ZNF66: variants seen among roughly 807,000 people sequenced by gnomAD.
ZNF66 encodes the protein putative zinc finger protein 66.
Under a neutral mutation model 35.2 loss-of-function variants are expected in ZNF66, and 32 were observed. The ratio of observed to expected loss-of-function variants is 0.91; its 90% CI spans 0.69 to 1.22. The LOEUF (loss-of-function observed/expected upper bound fraction) is 1.22, where lower values mean the gene tolerates loss of function less well. ZNF66 is among the 50% of genes most tolerant of loss of function. The pLI, the probability that ZNF66 is intolerant of heterozygous loss-of-function variation, is 0.00. For missense variants in ZNF66, 666 were observed against 543.1 expected (o/e 1.23, Z -2.25); for synonymous variants, 231 against 181.3 (o/e 1.27, Z -2.20).
chr19:20,804,079 A>C (rs1971476683), intron 3 of ZNF66, among the ~76,000 whole-genome samples: 1 of 151,890 alleles, frequency 6.6e-6, no homozygotes, highest in South Asian at 2.1e-4. Context: ...TGGTGTGTAC[A>C]TTTTTAAAGA....
At chr19:20,797,581 TGG>T (rs1971407720) in intron 3 of ZNF66, among the ~76,000 whole-genome samples, 1 of 151,612 alleles carries the variant, frequency 6.6e-6, no homozygotes. Flanking sequence ...TTTTTTTTTT[TGG>T]GATGGAGTCT....
chr19:20,805,226 ACT>A (rs1359526595), intron 3 of ZNF66, among the ~76,000 whole-genome samples: 2 of 151,534 alleles, frequency 1.3e-5, no homozygotes, highest in South Asian at 2.1e-4. Flanking sequence ...ACAGAGTCTC[ACT>A]CTGTCACCCA....
chr19:20,805,307 C>T (rs765460579), intron 3 of ZNF66, among the ~76,000 whole-genome samples: 4 of 152,116 alleles, frequency 2.6e-5, no homozygotes, highest in Non-Finnish European at 4.4e-5. Flanking sequence ...CAATTCTCTG[C>T]CTCAGCCTCC....
chr19:20,806,168 A>G lies in ZNF66; in HGVS notation c.568A>G (p.Thr190Ala), dbSNP rs754008165. The change falls in exon 4 of 4, where the codon ACA (threonine) becomes GCA (alanine). Residue 190 changes from threonine to alanine, a missense_variant. Thr to Ala is a moderately conservative substitution (Grantham distance 58). Transcript: ENST00000344519. ...TTTTAACCGGTCCTCAACCTTTACT[A>G]CACATAAGAAAATTCATACTGGAGA... ...KAFNRSSTFT[T>A]HKKIHTGEKP... is the part of the protein sequence containing the mutation. 3 of 1,270,288 alleles carry G rather than the reference A, an allele frequency of 2.4e-6. No homozygotes were observed. The highest frequency in any genetic ancestry group is 2.9e-5 in the African/African-American group (2 of 68,114). 78.7% of individuals were successfully genotyped at this position (1,270,288 alleles called of 1,614,324 possible). A position where few individuals can be genotyped will look rare whatever the true frequency, so the allele number is the denominator to read the frequency against.
In ZNF66 at chr19:20,798,424, C is replaced by T. The variant is rs370101261; in HGVS notation, c.226+4546C>T. Among the ~76,000 whole-genome samples, 13 of 151,950 alleles carry T rather than the reference C, an allele frequency of 8.6e-5. No individual in the cohort carries two copies. In the East Asian group the frequency reaches 2.3e-3, roughly 27 times the overall value. On this transcript the variant is annotated intron_variant, in intron 3 of 3. Transcript: ENST00000344519. ...GACCAGCCTGGGCAGCATATGGAGACTCTCCTCTATAAAAAAAATTAATAA... is the reference window on the plus strand; with the variant it reads ...GACCAGCCTGGGCAGCATATGGAGATTCTCCTCTATAAAAAAAATTAATAA...
intron 1 of ZNF66, among the ~76,000 whole-genome samples, chr19:20,784,295 C>T (rs1393920869): frequency 6.6e-6 from 1 of 152,124 alleles, no homozygotes; most frequent in Admixed American, 6.6e-5. Flanking sequence ...GGTACATATA[C>T]TATGACGTTC....
chr19:20,785,753 TTTTG>T (rs967880131), intron 1 of ZNF66, among the ~76,000 whole-genome samples: 14 of 150,164 alleles, frequency 9.3e-5, no homozygotes, highest in Admixed American at 4.6e-4. Context: ...CTTTTTCTGT[TTTTG>T]TTTGTTTGTT....
At position 20,807,536 on chromosome 19, in the gene ZNF66, C is replaced by T. The variant is rs1234566748; in HGVS notation, c.*214C>T. On this transcript the variant is annotated 3_prime_UTR_variant, in exon 4 of 4. Coordinates refer to ENST00000344519, the MANE Select transcript of ZNF66 (RefSeq NM_001355197.2). Reference sequence around the variant, plus strand: ...TAATTCATACTGGATAGAAACCCTACACCTGTGAAGAATGTGGCATAGCCT... The same window carrying T: ...TAATTCATACTGGATAGAAACCCTATACCTGTGAAGAATGTGGCATAGCCT... Among the ~76,000 whole-genome samples the T allele has an allele frequency of 6.6e-6, 1 of 151,618 alleles. No homozygotes were observed. Among genetic ancestry groups the T allele is most frequent in the Non-Finnish European group, 1.5e-5 (1 of 67,950 alleles).
In ZNF66 at chr19:20,806,851, A is replaced by G; in HGVS notation, c.1251A>G (p.Arg417=). The change falls in exon 4 of 4, where the codon AGA becomes AGG. Residue 417 remains arginine (R), a synonymous_variant. Transcript: ENST00000344519. ...KHSSPLSKHK[R]IHTGEKPYKC... is the part of the protein sequence containing the mutation. ...CCTCTCCCCTTTCTAAACATAAGAGAATTCATACTGGAGAGAAACCCTACA... is the reference window on the plus strand; with the variant it reads ...CCTCTCCCCTTTCTAAACATAAGAGGATTCATACTGGAGAGAAACCCTACA... The G allele has an allele frequency of 7.4e-7, 1 of 1,357,666 alleles. No individual in the cohort carries two copies. The highest frequency in any genetic ancestry group is 1.2e-5 in the South Asian group (1 of 85,438). The allele number at this position is 1,357,666 out of a possible 1,614,324, so 84.1% of individuals were successfully genotyped here.
At chr19:20,794,258 A>T in intron 3 of ZNF66, 1 of 209,976 alleles carries the variant, frequency 4.8e-6, no homozygotes, top group South Asian at 7.5e-5. Context: ...TTCTTTTTGT[A>T]TCCGGTCTGA....
chr19:20,787,545 C>T (rs959496904), intron 1 of ZNF66, among the ~76,000 whole-genome samples: 12 of 152,120 alleles, frequency 7.9e-5, no homozygotes, highest in African/African-American at 2.4e-4. Flanking sequence ...GCATTTTCTG[C>T]GTTGTGAGAT....
Position 20,806,611 on chromosome 19 carries a change from A to G in ZNF66, c.1011A>G (p.Gly337=). Reference sequence around the variant, plus strand: ...CTACACATAAGAGAATTCATACTGGAGAGAAACCCTACAAATGTGAAGAAT... The same window carrying G: ...CTACACATAAGAGAATTCATACTGGGGAGAAACCCTACAAATGTGAAGAAT... ...HLTTHKRIHT[G]EKPYKCEECG... Residue 337 remains glycine, a synonymous_variant, in exon 4 of 4, where the codon GGA becomes GGG. Transcript: ENST00000344519. The G allele has an allele frequency of 6.3e-7, 1 of 1,592,940 alleles. No individual in the cohort carries two copies. Among genetic ancestry groups the G allele is most frequent in the Non-Finnish European group, 8.6e-7 (1 of 1,161,960 alleles).
chr19:20,788,919 C>G (rs367662568), intron 1 of ZNF66, among the ~76,000 whole-genome samples: 7 of 151,698 alleles, frequency 4.6e-5, no homozygotes, highest in Admixed American at 4.6e-4. Context: ...GGCGTGGTGG[C>G]ACACATCTGT....
rs1466508377 is a variant in ZNF66, at chr19:20,808,823, G to C, written c.*1501G>C. Among the ~76,000 whole-genome samples, 1 of 152,174 alleles carries C rather than the reference G, an allele frequency of 6.6e-6. No individual in the cohort carries two copies. The highest frequency in any genetic ancestry group is 2.4e-5 in the African/African-American group (1 of 41,434). ...TCCAAAGGAACACAGTTCCCCACCA[G>C]CAACAGAACAAAGCTGGATGGAGAA... On this transcript the variant is annotated 3_prime_UTR_variant, in exon 4 of 4. Transcript: ENST00000344519.
chr19:20,793,775 T>C lies in ZNF66; in HGVS notation c.131-8T>C, dbSNP rs1971364122. 1 of 944,702 alleles carries C rather than the reference T, an allele frequency of 1.1e-6. No individual in the cohort carries two copies. Among genetic ancestry groups the C allele is most frequent in the East Asian group, 2.8e-5 (1 of 35,674 alleles). The allele number at this position is 944,702 out of a possible 1,614,324, so 58.5% of individuals were successfully genotyped here. On this transcript the variant is annotated splice_region_variant and splice_polypyrimidine_tract_variant and intron_variant, in intron 2 of 3. Coordinates refer to ENST00000344519, the MANE Select transcript of ZNF66 (RefSeq NM_001355197.2). ...CAAGATTCATGTTATTTATTTTTGA[T>C]AAAACAGGTATTGTTGTCTCAAAGC...
At chr19:20,782,634 A>AT (rs966992100) in intron 1 of ZNF66, among the ~76,000 whole-genome samples, 3 of 151,982 alleles carry the variant, frequency 2.0e-5, no homozygotes, top group African/African-American at 4.8e-5. Context: ...AGTAATGAGC[A>AT]TTTTTTTCAT....
chr19:20,805,104 C>T (rs1179364008), intron 3 of ZNF66, among the ~76,000 whole-genome samples: 4 of 115,906 alleles, frequency 3.5e-5, no homozygotes, highest in African/African-American at 7.1e-5. Flanking sequence ...TGGCAATTTA[C>T]ATTTGTGTGT....
chr19:20,781,216 C>T (rs74419422), intron 1 of ZNF66, among the ~76,000 whole-genome samples: 6,255 of 152,158 alleles, frequency 0.041, 213 homozygotes, highest in South Asian at 0.12. Flanking sequence ...TCTCTCCTGC[C>T]CAGGGATTTA....
chr19:20,779,621 G>C (rs1971227198), intron 1 of ZNF66, among the ~76,000 whole-genome samples: 1 of 152,116 alleles, frequency 6.6e-6, no homozygotes. Context: ...CTGAGGACAG[G>C]TGTTTGAGAC....
Sources: allele counts gnomAD v4.1 joint callset (sites outside exome capture counted in the v4.1 genomes callset), GRCh38; gene constraint gnomAD v4.1.1; transcripts MANE v1.5; gene names NCBI Gene and HGNC (gene_info 2026-07-23, HGNC 2026-07-21).